SCN9A: variants seen among roughly 807,000 people sequenced by gnomAD.
SCN9A encodes sodium channel protein type 9 subunit alpha.
SCN9A carries 131 observed loss-of-function variants against 187.0 expected under a neutral mutation model. The ratio of observed to expected loss-of-function variants is 0.70; its 90% CI spans 0.61 to 0.81. SCN9A has a LOEUF of 0.81. Among genes scored for constraint, SCN9A ranks in the 30% least tolerant of loss-of-function variants. The pLI is 0.00. For synonymous variants in SCN9A, 809 were observed against 808.6 expected (o/e 1.00, Z -0.01); for missense variants, 2,252 against 2,396.6 (o/e 0.94, Z 1.26).
At chr2:166,209,455 G>A (rs1451322979) in intron 24 of SCN9A, among the ~76,000 whole-genome samples, 1 of 152,072 alleles carries the variant, frequency 6.6e-6, no homozygotes, top group Non-Finnish European at 1.5e-5. Flanking sequence ...TGAACACAAT[G>A]AGGATATCAA....
chr2:166,316,274 T>C (rs1699106437), intron 1 of SCN9A, among the ~76,000 whole-genome samples: 1 of 152,094 alleles, frequency 6.6e-6, no homozygotes, highest in South Asian at 2.1e-4. Context: ...AAGAAACAAA[T>C]ATTAAAATAA....
chr2:166,201,265 A>C (rs112994908), intron 26 of SCN9A, among the ~76,000 whole-genome samples: 4 of 138,472 alleles, frequency 2.9e-5, no homozygotes, highest in Non-Finnish European at 6.0e-5. Context: ...TATACTATAC[A>C]TATACATATA....
At chr2:166,302,877 C>T in intron 7 of SCN9A, 1 of 428,346 alleles carries the variant, frequency 2.3e-6, no homozygotes, top group South Asian at 3.3e-5. Flanking sequence ...ATGGAACTAT[C>T]CTGTGTTCCT....
intron 21 of SCN9A, among the ~76,000 whole-genome samples, chr2:166,231,402 C>T (rs751396845): frequency 6.6e-6 from 1 of 152,018 alleles, no homozygotes; most frequent in Non-Finnish European, 1.5e-5. Context: ...AGATTGCAGT[C>T]ATAATTAGGT....
At chr2:166,362,544 A>C (rs555741423) in intron 1 of SCN9A, among the ~76,000 whole-genome samples, 1 of 152,124 alleles carries the variant, frequency 6.6e-6, no homozygotes, top group South Asian at 2.1e-4. Context: ...ATAGGATTGG[A>C]GTCATGAAGA....
At chr2:166,332,925 ATTTTAAAATTAAATTTTC>A (rs1254813549) in intron 1 of SCN9A, among the ~76,000 whole-genome samples, 2 of 151,520 alleles carry the variant, frequency 1.3e-5, no homozygotes, top group East Asian at 3.8e-4. Flanking sequence ...ACTCTAAAAT[ATTTTAAAATTAAATTTTC>A]TTTTAAAATT....
At position 166,272,727 on chromosome 2, in the gene SCN9A, T is replaced by C; in HGVS notation, c.3023A>G (p.Glu1008Gly). The C allele has an allele frequency of 6.3e-7, 1 of 1,587,828 alleles. No homozygotes were observed. The highest frequency in any genetic ancestry group is 1.2e-5 in the South Asian group (1 of 86,394). ...TTTGGAAAATGCTTTTAGAATAAAT[T>C]CACGTAAGGTTTGTTTCACATAATT... ...GINYVKQTLREFILKAFSKKP... is the reference protein window; with the variant it reads ...GINYVKQTLRGFILKAFSKKP... The change falls in exon 17 of 27, where the codon GAA becomes GGA. Residue 1008 changes from glutamate to glycine, a missense_variant. Physicochemically the swap from Glu to Gly is moderately conservative, Grantham distance 98. Transcript: ENST00000642356.
At chr2:166,352,672 G>C (rs981720224) in intron 1 of SCN9A, among the ~76,000 whole-genome samples, 1 of 152,070 alleles carries the variant, frequency 6.6e-6, no homozygotes, top group Admixed American at 6.6e-5. Flanking sequence ...TAACATTGTG[G>C]GATATTCTTC....
At chr2:166,294,795 A>G in intron 7 of SCN9A, 133 bp from the exon 8 acceptor site, 2 of 513,252 alleles carry the variant, frequency 3.9e-6, no homozygotes, top group Non-Finnish European at 6.9e-6. Context: ...GCATCCATTT[A>G]TTTACTATTT....
chr2:166,375,078 A>G (rs958294533), intron 1 of SCN9A, among the ~76,000 whole-genome samples: 7 of 152,218 alleles, frequency 4.6e-5, no homozygotes, highest in African/African-American at 1.7e-4. Context: ...TGAATTCGAT[A>G]AAAAGTTAAA....
chr2:166,352,654 A>G (rs1181421373), intron 1 of SCN9A, among the ~76,000 whole-genome samples: 1 of 152,198 alleles, frequency 6.6e-6, no homozygotes, highest in East Asian at 1.9e-4. Context: ...ATTTTTTCTT[A>G]GTTGCAGTAA....
intron 17 of SCN9A, among the ~76,000 whole-genome samples, chr2:166,256,220 G>A (rs1159530693): frequency 6.6e-6 from 1 of 151,144 alleles, no homozygotes; most frequent in African/African-American, 2.4e-5. Context: ...CTCTTATAGA[G>A]TTTTTAAAAT....
chr2:166,315,856 G>A (rs1699095645), intron 1 of SCN9A, among the ~76,000 whole-genome samples: 1 of 152,098 alleles, frequency 6.6e-6, no homozygotes, highest in Non-Finnish European at 1.5e-5. Flanking sequence ...TTAGTCTTCT[G>A]GATAAACAGG....
chr2:166,260,207 C>T (rs919522966), intron 17 of SCN9A, among the ~76,000 whole-genome samples: 1 of 151,810 alleles, frequency 6.6e-6, no homozygotes, highest in Non-Finnish European at 1.5e-5. Context: ...AACTTTTTAT[C>T]AGGTCAACAA....
intron 1 of SCN9A, among the ~76,000 whole-genome samples, chr2:166,351,431 A>G (rs1328911858): frequency 1.3e-5 from 2 of 152,212 alleles, no homozygotes; most frequent in African/African-American, 2.4e-5. Context: ...TCATGTGGTA[A>G]GGTTCTATTG....
chr2:166,198,968 C>T lies in SCN9A; in HGVS notation c.5671G>A (p.Val1891Met), dbSNP rs1473422651. ...TTTLKRKQEDVSATVIQRAYR... is the reference protein window; with the variant it reads ...TTTLKRKQEDMSATVIQRAYR... ...GCACGCTGAATGACAGTAGCAGACA[C>T]ATCCTCTTGTTTCCGTTTTAGTGTG... is the stretch of plus-strand genomic sequence containing the variant. Residue 1891 changes from valine (V) to methionine (M), a missense_variant, in exon 27 of 27, where the codon GTG becomes ATG. Around this residue, in one of 7 missense-constraint regions of SCN9A, gnomAD observed 345 missense variants for 344.6 expected, o/e 1.00. Coordinates refer to ENST00000642356, the MANE Select transcript of SCN9A (RefSeq NM_001365536.1). The T allele has an allele frequency of 6.2e-7, 1 of 1,614,012 alleles. No homozygotes were observed. The highest frequency in any genetic ancestry group is 1.7e-5 in the Admixed American group (1 of 60,026).
chr2:166,348,451 T>C (rs1430070191), intron 1 of SCN9A, among the ~76,000 whole-genome samples: 4 of 152,186 alleles, frequency 2.6e-5, no homozygotes, highest in Non-Finnish European at 5.9e-5. Context: ...TTGATTATAC[T>C]TTCTAAATCA....
At chr2:166,210,866 C>A (rs994046558) in intron 24 of SCN9A, among the ~76,000 whole-genome samples, 1 of 151,930 alleles carries the variant, frequency 6.6e-6, no homozygotes, top group Non-Finnish European at 1.5e-5. Flanking sequence ...TCAAGACCAG[C>A]CTGGCCAACA....
intron 22 of SCN9A, among the ~76,000 whole-genome samples, chr2:166,227,968 AC>A (rs1230760384): frequency 2.0e-5 from 3 of 152,098 alleles, no homozygotes; most frequent in African/African-American, 4.8e-5. Flanking sequence ...TTCGCACATA[AC>A]CTTTTATTTT....
Sources: allele counts gnomAD v4.1 joint callset (sites outside exome capture counted in the v4.1 genomes callset), GRCh38; gene constraint gnomAD v4.1.1; regional missense constraint gnomAD v4.1.1; transcripts MANE v1.5; gene names NCBI Gene and HGNC (gene_info 2026-07-23, HGNC 2026-07-21).